Variants in MON2 observed in about 807,000 individuals in gnomAD.
MON2 encodes protein MON2 homolog.
MON2 carries 84 observed loss-of-function variants against 208.6 expected under a neutral mutation model. The observed-to-expected ratio is 0.40, with a 90% CI of 0.34 to 0.48. MON2 has a LOEUF of 0.48. Ranked by LOEUF, MON2 falls within the 20% of genes least tolerant of loss-of-function variation. MON2 has a pLI of 0.59. For missense variants in MON2, 1,611 were observed against 2,015.4 expected (o/e 0.80, Z 3.84); for synonymous variants, 660 against 694.0 (o/e 0.95, Z 0.77).
chr12:62,578,845 G>A (rs980119968), intron 31 of MON2, among the ~76,000 whole-genome samples: 6 of 152,146 alleles, frequency 3.9e-5, no homozygotes, highest in Non-Finnish European at 7.4e-5. Flanking sequence ...AGATGTTTCT[G>A]GTTCAAATTA....
At chr12:62,528,836 G>A (rs1285648149) in intron 11 of MON2, among the ~76,000 whole-genome samples, 3 of 152,142 alleles carry the variant, frequency 2.0e-5, no homozygotes, top group Non-Finnish European at 4.4e-5. Flanking sequence ...CTCCCCATTT[G>A]AGCTTAAGTT....
rs1429424470 is a variant in MON2 at position 62,532,526 on chromosome 12, C to T, written c.1489C>T (p.Arg497Cys). 4.3e-6 allele frequency: 7 copies of T among 1,613,820 alleles called. No homozygotes were observed. The highest frequency in any genetic ancestry group is 2.7e-5 in the African/African-American group (2 of 74,862). ...VAFHCLLDLV[R>C]GITSMIEGEL... ...ATTCCATTGTTTGCTAGACCTTGTTCGTGGAATCACAAGTATGATTGAAGG... is the reference window on the plus strand; with the variant it reads ...ATTCCATTGTTTGCTAGACCTTGTTTGTGGAATCACAAGTATGATTGAAGG... Residue 497 changes from arginine (R) to cysteine (C), a missense_variant, in exon 12 of 35, where the codon CGT becomes TGT. By Grantham distance (180) the Arg-to-Cys change is radical. Transcript: ENST00000393630.
intron 1 of MON2, among the ~76,000 whole-genome samples, chr12:62,477,120 G>A (rs950956367): frequency 1.3e-5 from 2 of 152,084 alleles, no homozygotes; most frequent in African/African-American, 4.8e-5. Flanking sequence ...ACTGTACTGG[G>A]TAGGTCCATA....
At chr12:62,535,323 T>C (rs2072915489) in intron 13 of MON2, among the ~76,000 whole-genome samples, 1 of 152,202 alleles carries the variant, frequency 6.6e-6, no homozygotes, top group South Asian at 2.1e-4. Flanking sequence ...ATACATGTAT[T>C]ATTATTCATT....
intron 33 of MON2, among the ~76,000 whole-genome samples, chr12:62,586,118 A>G (rs1415695594): frequency 1.3e-5 from 2 of 152,224 alleles, no homozygotes; most frequent in Admixed American, 6.5e-5. Flanking sequence ...ACAGTCATAA[A>G]TTAGGGTTAG....
intron 4 of MON2, among the ~76,000 whole-genome samples, chr12:62,497,850 A>T (rs1376851159): frequency 6.6e-6 from 1 of 152,112 alleles, no homozygotes; most frequent in African/African-American, 2.4e-5. Context: ...TCCTGGCCTC[A>T]AGTGAACTGC....
At chr12:62,510,662 A>T in intron 8 of MON2, among the ~76,000 whole-genome samples, 1 of 152,224 alleles carries the variant, frequency 6.6e-6, no homozygotes, top group East Asian at 1.9e-4. Flanking sequence ...ATTTATGAAG[A>T]GACAATAACT....
rs2075598592 is a variant in MON2 at position 62,600,431 on chromosome 12, A to G, written c.*7682A>G. 2 of 152,250 alleles carry G rather than the reference A, an allele frequency of 1.3e-5. No individual in the cohort carries two copies. Among genetic ancestry groups the G allele is most frequent in the African/African-American group, 4.8e-5 (2 of 41,466 alleles). The allele number at this position is 152,250 out of a possible 1,614,324, so 9.4% of individuals were successfully genotyped here. A position where few individuals can be genotyped will look rare whatever the true frequency, so the allele number is the denominator to read the frequency against. On this transcript the variant is annotated 3_prime_UTR_variant, in exon 35 of 35. Transcript: ENST00000393630. ...GTCAAGGAAACCGCATATATAAAATAATACTGGATACAAGACTATACAATT... is the reference window on the plus strand; with the variant it reads ...GTCAAGGAAACCGCATATATAAAATGATACTGGATACAAGACTATACAATT...
At position 62,508,408 on chromosome 12, in the gene MON2, A is replaced by G; in HGVS notation, c.912A>G (p.Lys304=). 6.2e-7 allele frequency: 1 copy of G among 1,614,018 alleles called. No individual in the cohort carries two copies. The highest frequency in any genetic ancestry group is 8.5e-7 in the Non-Finnish European group (1 of 1,179,984). ...STSSSPAPVE[K]PYFPICMRLL... ...CATCTTCTCCAGCACCAGTTGAAAA[A>G]CCATATTTTCCTATCTGCATGCGTT... is the stretch of plus-strand genomic sequence containing the variant. The change falls in exon 8 of 35, where the codon AAA becomes AAG. Residue 304 remains lysine, a synonymous_variant. Transcript: ENST00000393630.
intron 4 of MON2, among the ~76,000 whole-genome samples, chr12:62,496,330 C>G (rs575770647): frequency 6.6e-6 from 1 of 151,990 alleles, no homozygotes; most frequent in Non-Finnish European, 1.5e-5. Flanking sequence ...GAAATAAGAA[C>G]TGGTTATAGG....
chr12:62,495,800 T>C (rs955578129), intron 4 of MON2, among the ~76,000 whole-genome samples: 6 of 151,956 alleles, frequency 3.9e-5, no homozygotes, highest in African/African-American at 1.4e-4. Context: ...AACCAGACAG[T>C]TCAAATATGT....
At chr12:62,562,858 C>G (rs1259859036) in intron 26 of MON2, among the ~76,000 whole-genome samples, 1 of 152,126 alleles carries the variant, frequency 6.6e-6, no homozygotes, top group Non-Finnish European at 1.5e-5. Flanking sequence ...TCAGTCTTCT[C>G]TTTGTTCTCA....
intron 34 of MON2, among the ~76,000 whole-genome samples, chr12:62,591,948 T>C (rs1387166928): frequency 6.6e-6 from 1 of 152,202 alleles, no homozygotes; most frequent in Non-Finnish European, 1.5e-5. Flanking sequence ...ATATAACTAA[T>C]TGGGATATAA....
At chr12:62,525,908 TAAA>T in intron 10 of MON2, 38 bp from the exon 11 acceptor site, 1 of 1,590,812 alleles carries the variant, frequency 6.3e-7, no homozygotes, top group Non-Finnish European at 8.6e-7. Context: ...AGTCAAGTAG[TAAA>T]TTAGTGTCTT....
chr12:62,548,126 G>A (rs2073576430), intron 22 of MON2, among the ~76,000 whole-genome samples: 1 of 152,164 alleles, frequency 6.6e-6, no homozygotes, highest in Non-Finnish European at 1.5e-5. Context: ...GGGATTTTAA[G>A]CAGAGGAATG....
chr12:62,533,740 T>A (rs2136222061), intron 12 of MON2, among the ~76,000 whole-genome samples: 2 of 152,296 alleles, frequency 1.3e-5, no homozygotes, highest in East Asian at 3.9e-4. Context: ...GGTATGCTTT[T>A]CACCACTTGG....
intron 11 of MON2, among the ~76,000 whole-genome samples, chr12:62,528,496 G>C (rs889870149): frequency 6.6e-6 from 1 of 152,108 alleles, no homozygotes; most frequent in African/African-American, 2.4e-5. Flanking sequence ...ATCTCAAAGT[G>C]GAATTTATGC....
At chr12:62,562,766 CT>C (rs1338037952) in intron 26 of MON2, among the ~76,000 whole-genome samples, 2 of 152,030 alleles carry the variant, frequency 1.3e-5, no homozygotes, top group Non-Finnish European at 2.9e-5. Flanking sequence ...AAACTGATTT[CT>C]GATATCATGT....
chr12:62,533,101 C>T (rs901525444), intron 12 of MON2, among the ~76,000 whole-genome samples: 1 of 152,090 alleles, frequency 6.6e-6, no homozygotes, highest in Admixed American at 6.6e-5. Flanking sequence ...TTTTATATGA[C>T]CTTACTTTTT....
Sources: gnomAD v4.1 joint callset for allele counts (sites outside exome capture counted in the v4.1 genomes callset) on GRCh38, gnomAD v4.1.1 for gene constraint, MANE v1.5 for transcripts, NCBI Gene and HGNC (gene_info 2026-07-23, HGNC 2026-07-21) for gene names.